SLCO1B3: variants seen among roughly 807,000 people sequenced by gnomAD.
SLCO1B3 encodes the protein liver-specific organic anion transporter 2.
A neutral mutation model predicts 71.8 loss-of-function variants in SLCO1B3; 72 were observed. The observed-to-expected ratio is 1.00, with a 90% CI of 0.83 to 1.22. The LOEUF (loss-of-function observed/expected upper bound fraction) is 1.22. Ranked by LOEUF, SLCO1B3 falls within the 50% of genes most tolerant of loss-of-function variation. The pLI is 0.00. For synonymous variants in SLCO1B3, 298 were observed against 278.4 expected (o/e 1.07, Z -0.70); for missense variants, 911 against 819.7 (o/e 1.11, Z -1.36).
At chr12:20,861,360 A>T (rs1369396233) in intron 6 of SLCO1B3, among the ~76,000 whole-genome samples, 1 of 152,052 alleles carries the variant, frequency 6.6e-6, no homozygotes, top group Non-Finnish European at 1.5e-5. Flanking sequence ...TTGTCCAACC[A>T]AACAGAAGGA....
rs1035588608 is a variant in SLCO1B3, at chr12:20,839,855, T to A, written c.85-15173T>A. Reference sequence around the variant, plus strand: ...ATTTTCTTCTGATATTTTTCTGTCTTTGTTCATTTTGCTTTTTACTTCTGC... The same window carrying A: ...ATTTTCTTCTGATATTTTTCTGTCTATGTTCATTTTGCTTTTTACTTCTGC... On this transcript the variant is annotated intron_variant, in intron 3 of 15. Coordinates refer to ENST00000381545, the MANE Select transcript of SLCO1B3 (RefSeq NM_019844.4). 3.3e-5 allele frequency among the ~76,000 whole-genome samples: 5 copies of A among 152,196 alleles called. No individual in the cohort carries two copies. In the South Asian group the frequency reaches 1.0e-3, roughly 32 times the overall value.
intron 3 of SLCO1B3, among the ~76,000 whole-genome samples, chr12:20,820,666 T>A (rs1466796110): frequency 1.3e-5 from 2 of 152,142 alleles, no homozygotes; most frequent in Non-Finnish European, 2.9e-5. Flanking sequence ...ATTCCAATTT[T>A]TGGAGTTTTA....
chr12:20,845,390 G>C (rs1864896789), intron 3 of SLCO1B3: 2 of 198,270 alleles, frequency 1.0e-5, no homozygotes, highest in African/African-American at 4.8e-5. Flanking sequence ...TGGCTATATG[G>C]GACTCTCATC....
chr12:20,871,666 T>C (rs748405423), intron 8 of SLCO1B3, among the ~76,000 whole-genome samples: 5 of 152,092 alleles, frequency 3.3e-5, no homozygotes, highest in Non-Finnish European at 2.9e-5. Flanking sequence ...ATGGAAGAAT[T>C]CTCTGGATTA....
intron 8 of SLCO1B3, among the ~76,000 whole-genome samples, chr12:20,872,976 G>A (rs999784281): frequency 6.6e-6 from 1 of 152,178 alleles, no homozygotes; most frequent in Non-Finnish European, 1.5e-5. Context: ...GGCATCTAGA[G>A]TATGCAGGGT....
intron 4 of SLCO1B3, among the ~76,000 whole-genome samples, chr12:20,855,631 C>A (rs1247598411): frequency 6.8e-6 from 1 of 147,288 alleles, no homozygotes; most frequent in East Asian, 2.0e-4. Context: ...TACTGTTTAA[C>A]TGTGTACAAC....
At chr12:20,856,913 A>G (rs1865151087) in intron 4 of SLCO1B3, among the ~76,000 whole-genome samples, 2 of 152,300 alleles carry the variant, frequency 1.3e-5, no homozygotes, top group African/African-American at 2.4e-5. Flanking sequence ...CTTGGTGTCT[A>G]CAGAGCATCT....
At chr12:20,836,009 C>T (rs538788148) in intron 3 of SLCO1B3, among the ~76,000 whole-genome samples, 7 of 152,262 alleles carry the variant, frequency 4.6e-5, no homozygotes, top group East Asian at 1.9e-4. Flanking sequence ...CATGGTGAAA[C>T]GCAGAGGAGC....
In SLCO1B3 at chr12:20,878,277, AT is replaced by A. The variant is rs374831820; in HGVS notation, c.1135+342del. ...CTGAGATCCTGAGACAAACCCTTTT[AT>A]AATATAACCATTATAATTCTATAAT... On this transcript the variant is annotated intron_variant, in intron 10 of 15. Coordinates refer to ENST00000381545, the MANE Select transcript of SLCO1B3 (RefSeq NM_019844.4). Among the ~76,000 whole-genome samples, 437 of 152,248 alleles carry A rather than the reference AT, an allele frequency of 2.9e-3. 1 individual carries two copies. Among genetic ancestry groups the A allele is most frequent in the African/African-American group, 0.01 (421 of 41,564 alleles).
chr12:20,858,391 T>C, intron 4 of SLCO1B3, 48 bp from the exon 5 acceptor site: 8 of 1,373,566 alleles, frequency 5.8e-6, no homozygotes, highest in Non-Finnish European at 8.2e-6. Context: ...TTCTACTAGA[T>C]ACAAAATTAC....
intron 3 of SLCO1B3, among the ~76,000 whole-genome samples, chr12:20,850,847 T>C (rs1196124358): frequency 6.6e-6 from 1 of 152,248 alleles, no homozygotes; most frequent in African/African-American, 2.4e-5. Flanking sequence ...GGTTGAATGA[T>C]AATTCTATTT....
At chr12:20,884,632 A>G (rs565190182) in intron 13 of SLCO1B3, among the ~76,000 whole-genome samples, 7 of 152,246 alleles carry the variant, frequency 4.6e-5, no homozygotes, top group African/African-American at 1.7e-4. Context: ...ATCACCTAAA[A>G]CGGGAAACAT....
chr12:20,852,280 G>C (rs952242486), intron 3 of SLCO1B3, among the ~76,000 whole-genome samples: 2 of 152,104 alleles, frequency 1.3e-5, no homozygotes, highest in Non-Finnish European at 2.9e-5. Context: ...TTTGAGACTA[G>C]CTCTAGTCCA....
intron 3 of SLCO1B3, among the ~76,000 whole-genome samples, chr12:20,818,351 T>C (rs1032683829): frequency 6.6e-6 from 1 of 152,188 alleles, no homozygotes; most frequent in Non-Finnish European, 1.5e-5. Context: ...TTTATCAGAC[T>C]GTATAGAGGT....
chr12:20,860,586 A>G (rs534630484), intron 5 of SLCO1B3, among the ~76,000 whole-genome samples: 2 of 145,168 alleles, frequency 1.4e-5, no homozygotes, highest in African/African-American at 2.7e-5. Context: ...TGAGTTTTGA[A>G]AAGTCAAGCA....
chr12:20,870,934 T>C (rs1226947672), intron 8 of SLCO1B3, among the ~76,000 whole-genome samples: 1 of 152,184 alleles, frequency 6.6e-6, no homozygotes, highest in South Asian at 2.1e-4. Flanking sequence ...TTAGCATCAA[T>C]TGAAATGATC....
At chr12:20,819,113 G>A (rs1864244568) in intron 3 of SLCO1B3, among the ~76,000 whole-genome samples, 1 of 152,144 alleles carries the variant, frequency 6.6e-6, no homozygotes. Flanking sequence ...CGGACATGAG[G>A]GCTAGGCTAA....
At chr12:20,811,799 G>A (rs761612358) in intron 1 of SLCO1B3, among the ~76,000 whole-genome samples, 5 of 151,844 alleles carry the variant, frequency 3.3e-5, no homozygotes, top group African/African-American at 4.8e-5. Context: ...TATATTAAAC[G>A]CTTCTAAATA....
In SLCO1B3 at chr12:20,839,826, G is replaced by T. The variant is rs1864759047; in HGVS notation, c.85-15202G>T. On this transcript the variant is annotated intron_variant, in intron 3 of 15. Transcript: ENST00000381545. Reference sequence around the variant, plus strand: ...CTTTTGTAGTTATCCCTTAGCTTTTGGGTATTTTCTTCTGATATTTTTCTG... The same window carrying T: ...CTTTTGTAGTTATCCCTTAGCTTTTTGGTATTTTCTTCTGATATTTTTCTG... 5.9e-5 allele frequency among the ~76,000 whole-genome samples: 9 copies of T among 152,028 alleles called. 1 individual carries two copies. The South Asian group carries it at 1.9e-3, about 32-fold the overall frequency.
Sources: gnomAD v4.1 joint callset for allele counts (sites outside exome capture counted in the v4.1 genomes callset) on GRCh38, gnomAD v4.1.1 for gene constraint, MANE v1.5 for transcripts, NCBI Gene and HGNC (gene_info 2026-07-23, HGNC 2026-07-21) for gene names.